DLG2: variants seen among roughly 807,000 people sequenced by gnomAD.
DLG2 encodes the protein discs large MAGUK scaffold protein 2, also known as disks large homolog 2.
In DLG2, 45 loss-of-function variants were observed where a neutral mutation model predicts 132.5. The observed-to-expected ratio is 0.34, with a 90% CI of 0.27 to 0.44. The LOEUF (loss-of-function observed/expected upper bound fraction) is 0.44. DLG2 is among the 20% of genes least tolerant of loss of function. DLG2 has a pLI of 1.00. For missense variants in DLG2, 1,045 were observed against 1,196.9 expected, an observed-to-expected ratio of 0.87 and a Z score of 1.87; for synonymous variants, 424 against 419.6, an observed-to-expected ratio of 1.01 and a Z score of -0.13.
chr11:85,242,172 C>T (rs1170911923), intron 4 of DLG2, among the ~76,000 whole-genome samples: 2 of 151,890 alleles, frequency 1.3e-5, no homozygotes, highest in Admixed American at 6.6e-5. Flanking sequence ...ATTCTTCATC[C>T]TCAATTCAAA....
chr11:85,174,665 A>G (rs1368777065), intron 4 of DLG2, among the ~76,000 whole-genome samples: 5 of 152,196 alleles, frequency 3.3e-5, no homozygotes, highest in African/African-American at 1.2e-4. Flanking sequence ...AAAAAAGTCA[A>G]TAAATCCAGG....
chr11:83,680,767 T>C (rs1277375473), intron 18 of DLG2, among the ~76,000 whole-genome samples: 1 of 152,172 alleles, frequency 6.6e-6, no homozygotes, highest in African/African-American at 2.4e-5. Context: ...AAGTTTTTGG[T>C]ATAATCAGAA....
At chr11:84,900,337 T>C (rs1278662144) in intron 6 of DLG2, among the ~76,000 whole-genome samples, 1 of 152,084 alleles carries the variant, frequency 6.6e-6, no homozygotes, top group Non-Finnish European at 1.5e-5. Flanking sequence ...TTAGGTAATA[T>C]AGACATTAAT....
intron 22 of DLG2, chr11:83,483,413 C>T: frequency 1.4e-6 from 1 of 707,628 alleles, no homozygotes; most frequent in South Asian, 1.9e-5. Context: ...GCTGCCTTAA[C>T]AATCTGGATC....
intron 9 of DLG2, among the ~76,000 whole-genome samples, chr11:84,123,598 CTGTAGTAAATTGT>C (rs1268771333): frequency 1.3e-4 from 20 of 152,150 alleles, no homozygotes; most frequent in Non-Finnish European, 2.8e-4. Flanking sequence ...CAATCCAACT[CTGTAGTAAATTGT>C]TATTCAGAGT....
chr11:85,109,213 C>T (rs572333086), intron 6 of DLG2, among the ~76,000 whole-genome samples: 2 of 152,210 alleles, frequency 1.3e-5, no homozygotes, highest in African/African-American at 4.8e-5. Flanking sequence ...AGATCGGTAT[C>T]TGCTGCACAA....
chr11:84,158,285 G>A (rs1238261811), intron 9 of DLG2, among the ~76,000 whole-genome samples: 1 of 152,010 alleles, frequency 6.6e-6, no homozygotes, highest in African/African-American at 2.4e-5. Flanking sequence ...GGATGGTCTC[G>A]ATCTCCTGAC....
intron 5 of DLG2, among the ~76,000 whole-genome samples, chr11:85,134,024 A>ATGAGGGAGAGTGAGGGAGAG (rs368937720): frequency 1.3e-5 from 2 of 151,404 alleles, no homozygotes; most frequent in African/African-American, 2.4e-5. Context: ...GGAAGGGAGA[A>ATGAGGGAGAGTGAGGGAGAG]TGAGGGAGAG....
At chr11:85,187,782 G>GA (rs2080227188) in intron 4 of DLG2, among the ~76,000 whole-genome samples, 1 of 151,968 alleles carries the variant, frequency 6.6e-6, no homozygotes. Flanking sequence ...TGGAACATGA[G>GA]AAAAAAATCC....
chr11:83,874,377 T>G, intron 16 of DLG2, 43 bp downstream of exon 16: 1 of 1,402,264 alleles, frequency 7.1e-7, no homozygotes, highest in Non-Finnish European at 9.7e-7. Context: ...GACTTCATAT[T>G]CCAAGGCTGC....
At chr11:85,479,053 T>C (rs2093220904) in intron 3 of DLG2, among the ~76,000 whole-genome samples, 1 of 152,212 alleles carries the variant, frequency 6.6e-6, no homozygotes, top group Non-Finnish European at 1.5e-5. Context: ...TTTAATTTTC[T>C]GCATCAAAAA....
chr11:84,569,808 G>T (rs940430024), intron 6 of DLG2, among the ~76,000 whole-genome samples: 16 of 152,202 alleles, frequency 1.1e-4, no homozygotes, highest in African/African-American at 3.6e-4. Flanking sequence ...AGAACAAAAA[G>T]AAAGGAGAAG....
At chr11:85,403,727 T>C (rs1176588398) in intron 3 of DLG2, among the ~76,000 whole-genome samples, 1 of 151,928 alleles carries the variant, frequency 6.6e-6, no homozygotes, top group Non-Finnish European at 1.5e-5. Context: ...GATGATGGCA[T>C]GAGCCTCTTT....
chr11:83,880,036 A>G (rs987265272), intron 15 of DLG2, among the ~76,000 whole-genome samples: 4 of 152,178 alleles, frequency 2.6e-5, no homozygotes, highest in African/African-American at 4.8e-5. Flanking sequence ...GGTCAAAAAT[A>G]TGTGGTGTGC....
chr11:83,952,810 C>T (rs149686771), intron 14 of DLG2, among the ~76,000 whole-genome samples: 1 of 151,994 alleles, frequency 6.6e-6, no homozygotes, highest in East Asian at 1.9e-4. Context: ...GTAGGAAAAA[C>T]AGTAATTTTA....
At chr11:85,063,045 CAAA>C (rs552361362) in intron 6 of DLG2, among the ~76,000 whole-genome samples, 1 of 151,938 alleles carries the variant, frequency 6.6e-6, no homozygotes, top group South Asian at 2.1e-4. Context: ...GATAACTTAA[CAAA>C]ATCTTATATT....
chr11:85,013,075 C>A (rs375021474), intron 6 of DLG2, among the ~76,000 whole-genome samples: 1 of 152,206 alleles, frequency 6.6e-6, no homozygotes, highest in East Asian at 1.9e-4. Flanking sequence ...TATTTAATAT[C>A]AAATTGAATT....
intron 6 of DLG2, among the ~76,000 whole-genome samples, chr11:85,027,705 C>T (rs991752997): frequency 6.6e-6 from 1 of 152,244 alleles, no homozygotes; most frequent in Non-Finnish European, 1.5e-5. Context: ...AAATGTACCA[C>T]ACATGGCTTC....
chr11:84,676,694 T>A (rs1322740470), intron 6 of DLG2, among the ~76,000 whole-genome samples: 1 of 152,090 alleles, frequency 6.6e-6, no homozygotes, highest in Non-Finnish European at 1.5e-5. Flanking sequence ...AATACAGGCA[T>A]AAACAACAGA....
Sources: allele counts gnomAD v4.1 joint callset (sites outside exome capture counted in the v4.1 genomes callset), GRCh38; gene constraint gnomAD v4.1.1; transcripts MANE v1.5; gene names NCBI Gene and HGNC (gene_info 2026-07-23, HGNC 2026-07-21).